Variants in PTDSS2 observed in about 807,000 individuals in gnomAD.
The protein encoded by PTDSS2 is PSS-2.
In PTDSS2, 41 loss-of-function variants were observed where a neutral mutation model predicts 64.7. The ratio of observed to expected loss-of-function variants is 0.63; its 90% CI spans 0.49 to 0.82. The LOEUF (loss-of-function observed/expected upper bound fraction) is 0.82, where lower values mean the gene tolerates loss of function less well. Ranked by LOEUF, PTDSS2 falls within the 40% of genes least tolerant of loss-of-function variation. The probability of loss-of-function intolerance (pLI) is 0.00; values close to 1 mark genes in which losing one functional copy is unlikely to be tolerated. For synonymous variants in PTDSS2, 297 were observed against 277.8 expected (o/e 1.07, Z -0.69); for missense variants, 485 against 650.0 (o/e 0.75, Z 2.76).
intron 8 of PTDSS2, 71 bp from the exon 9 acceptor site, chr11:489,329 C>A (rs1191758540): frequency 7.5e-7 from 1 of 1,328,856 alleles, no homozygotes; most frequent in African/African-American, 1.4e-5. Context: ...CAGGAACAGT[C>A]TGTTGCCCGA....
intron 1 of PTDSS2, among the ~76,000 whole-genome samples, chr11:456,799 C>T (rs1455468635): frequency 1.3e-5 from 2 of 152,102 alleles, no homozygotes; most frequent in East Asian, 3.9e-4. Context: ...ACTGAAGGGC[C>T]CCACGGTGTG....
chr11:465,983 G>T (rs762268666), intron 2 of PTDSS2, among the ~76,000 whole-genome samples: 1 of 152,124 alleles, frequency 6.6e-6, no homozygotes, highest in African/African-American at 2.4e-5. Flanking sequence ...TTAAGGGAAC[G>T]AAAAGGTGAG....
In PTDSS2 at chr11:486,956, G is replaced by A. The variant is rs778844947; in HGVS notation, c.453G>A (p.Arg151=). ...CCTTGCAGACTGTCCAGGACGGCCG[G>A]CAGTTTCTAAAGTATGTTGACCCCA... ...FILFQTVQDG[R]QFLKYVDPKL... Residue 151 remains arginine, a synonymous_variant, in exon 5 of 12, where the codon CGG becomes CGA. Coordinates refer to ENST00000308020, the MANE Select transcript of PTDSS2 (RefSeq NM_030783.3). The A allele has an allele frequency of 4.2e-5, 68 of 1,612,480 alleles. No individual in the cohort carries two copies. Among genetic ancestry groups the A allele is most frequent in the Non-Finnish European group, 5.0e-5 (59 of 1,179,664 alleles).
chr11:481,083 CAA>C (rs749112324), intron 4 of PTDSS2, among the ~76,000 whole-genome samples: 36 of 109,264 alleles, frequency 3.3e-4, no homozygotes, highest in Admixed American at 4.9e-4. Context: ...GACTCCGCCT[CAA>C]AAAAAAAAAA....
chr11:484,921 C>G (rs1848245665), intron 4 of PTDSS2, among the ~76,000 whole-genome samples: 1 of 139,544 alleles, frequency 7.2e-6, no homozygotes, highest in African/African-American at 2.7e-5. Context: ...ACTGCGCAGG[C>G]GAGTGTAAAC....
chr11:457,792 C>A (rs1846668141), intron 1 of PTDSS2, among the ~76,000 whole-genome samples: 1 of 152,008 alleles, frequency 6.6e-6, no homozygotes, highest in Admixed American at 6.6e-5. Flanking sequence ...TGTCTCAGGC[C>A]CACGTTTGGG....
chr11:458,190 G>A (rs1846683524), intron 1 of PTDSS2, among the ~76,000 whole-genome samples: 1 of 151,738 alleles, frequency 6.6e-6, no homozygotes, highest in Non-Finnish European at 1.5e-5. Flanking sequence ...TATAAATTCT[G>A]GATAAAAAGT....
intron 4 of PTDSS2, 101 bp from the exon 5 acceptor site, chr11:486,838 A>T: frequency 2.5e-5 from 34 of 1,363,370 alleles, no homozygotes; most frequent in Non-Finnish European, 3.2e-5. Flanking sequence ...ACAGAGCGAG[A>T]CTCCATCTCA....
Position 450,725 on chromosome 11 carries a change from C to T in PTDSS2, c.182+88C>T, listed in dbSNP as rs1235713522. 7 of 1,121,010 alleles carry T rather than the reference C, an allele frequency of 6.2e-6. No individual in the cohort carries two copies. The African/African-American group carries it at 6.5e-5, about 10-fold the overall frequency. The allele number at this position is 1,121,010 out of a possible 1,614,324, so 69.4% of individuals were successfully genotyped here. ...CTGGCCTGGGGGTCCCCGGCAGCGCCCTCTCGCCGTCTTGGAGTCCAGGAC... is the reference window on the plus strand; with the variant it reads ...CTGGCCTGGGGGTCCCCGGCAGCGCTCTCTCGCCGTCTTGGAGTCCAGGAC... On this transcript the variant is annotated intron_variant, in intron 1 of 11. Coordinates refer to ENST00000308020, the MANE Select transcript of PTDSS2 (RefSeq NM_030783.3).
rs1239287350 is a variant in PTDSS2 at position 461,759 on chromosome 11, GC to G, written c.284+1472del. Reference sequence around the variant, plus strand: ...TAGGCAGTCCCAGCGGGGGTCACGTGCAGAACCTGCAGGCCCGGTGTGCACT... The same window carrying G: ...TAGGCAGTCCCAGCGGGGGTCACGTGAGAACCTGCAGGCCCGGTGTGCACT... On this transcript the variant is annotated intron_variant, in intron 2 of 11. Coordinates refer to ENST00000308020, the MANE Select transcript of PTDSS2 (RefSeq NM_030783.3). This position sits in a 1 kb window ranked among gnomAD's most constrained non-coding sequence, Gnocchi z 4.2. Among the ~76,000 whole-genome samples the G allele has an allele frequency of 1.8e-4, 28 of 152,246 alleles. No homozygotes were observed. The East Asian group carries it at 4.8e-3, about 26-fold the overall frequency.
intron 1 of PTDSS2, among the ~76,000 whole-genome samples, chr11:456,482 C>T (rs1444035549): frequency 3.9e-5 from 6 of 151,960 alleles, no homozygotes; most frequent in African/African-American, 1.5e-4. Flanking sequence ...TGCCCCCAAA[C>T]ACTCCTGACT....
rs1847803147 is a variant in PTDSS2 at position 476,335 on chromosome 11, G to C, written c.367+2358G>C. On this transcript the variant is annotated intron_variant, in intron 3 of 11. Transcript: ENST00000308020. This position sits in a 1 kb window ranked among gnomAD's most constrained non-coding sequence, Gnocchi z 4.9. ...CAGTGAAAAGCCTGGCGCCGTGACG[G>C]TGAGAAACTGCCCGTCACACAGTGA... Among the ~76,000 whole-genome samples the C allele has an allele frequency of 6.6e-6, 1 of 152,172 alleles. No homozygotes were observed. The highest frequency in any genetic ancestry group is 2.1e-4 in the South Asian group (1 of 4,832).
chr11:452,587 G>T (rs1345576445), intron 1 of PTDSS2, among the ~76,000 whole-genome samples: 1 of 152,238 alleles, frequency 6.6e-6, no homozygotes, highest in Non-Finnish European at 1.5e-5. Context: ...CAGCGGGGCT[G>T]GCTGGTCCAG....
chr11:478,363 G>T (rs1169050302), intron 3 of PTDSS2, among the ~76,000 whole-genome samples: 1 of 152,056 alleles, frequency 6.6e-6, no homozygotes, highest in Non-Finnish European at 1.5e-5. Flanking sequence ...GGAGGCTCAG[G>T]TAGGAGGATT....
intron 2 of PTDSS2, among the ~76,000 whole-genome samples, chr11:468,067 T>G (rs1847222545): frequency 6.6e-6 from 1 of 152,080 alleles, no homozygotes; most frequent in African/African-American, 2.4e-5. Context: ...AGGCAGAGGT[T>G]GCAGCGAGCT....
chr11:454,429 CAATG>C (rs1272094367), intron 1 of PTDSS2, among the ~76,000 whole-genome samples: 5 of 152,144 alleles, frequency 3.3e-5, no homozygotes, highest in Non-Finnish European at 5.9e-5. Flanking sequence ...TAGGGTTGAT[CAATG>C]ATCAGCGTTT....
chr11:474,208 T>C (rs1847612164), intron 3 of PTDSS2, among the ~76,000 whole-genome samples: 1 of 152,188 alleles, frequency 6.6e-6, no homozygotes, highest in Admixed American at 6.5e-5. Flanking sequence ...CCTTTCACTC[T>C]TCCCTGTCCA....
chr11:451,966 C>T (rs923024465), intron 1 of PTDSS2, among the ~76,000 whole-genome samples: 1 of 152,124 alleles, frequency 6.6e-6, no homozygotes, highest in Non-Finnish European at 1.5e-5. Flanking sequence ...CTCTGGCTTC[C>T]GGGCCCTGTG....
chr11:487,135 C>A, intron 5 of PTDSS2, 62 bp downstream of exon 5: 2 of 1,464,058 alleles, frequency 1.4e-6, no homozygotes, highest in Non-Finnish European at 1.9e-6. Flanking sequence ...CCGGACCAGG[C>A]GCCATCCACG....
Sources: gnomAD v4.1 joint callset for allele counts (sites outside exome capture counted in the v4.1 genomes callset) on GRCh38, gnomAD v4.1.1 for gene constraint, Gnocchi (gnomAD v3.1) non-coding constraint, MANE v1.5 for transcripts, NCBI Gene and HGNC (gene_info 2026-07-23, HGNC 2026-07-21) for gene names.